MLLT3: variants seen among roughly 807,000 people sequenced by gnomAD.
The protein encoded by MLLT3 is protein AF-9.
MLLT3 carries 4 observed loss-of-function variants against 53.2 expected under a neutral mutation model. That is an observed-to-expected ratio of 0.08 (90% CI 0.04 to 0.17). The LOEUF is 0.17. Among genes scored for constraint, MLLT3 ranks in the 10% least tolerant of loss-of-function variants. The probability of loss-of-function intolerance (pLI) is 1.00; values close to 1 mark genes in which losing one functional copy is unlikely to be tolerated. For synonymous variants in MLLT3, 283 were observed against 230.6 expected, an observed-to-expected ratio of 1.23 and a Z score of -2.06; for missense variants, 569 against 684.0, an observed-to-expected ratio of 0.83 and a Z score of 1.87.
In MLLT3 at chr9:20,387,982, T is replaced by A. The variant is rs892856550; in HGVS notation, c.1126-22238A>T. Among the ~76,000 whole-genome samples, 4 of 152,304 alleles carry A rather than the reference T, an allele frequency of 2.6e-5. No homozygotes were observed. In the South Asian group the frequency reaches 8.3e-4, roughly 32 times the overall value. On this transcript the variant is annotated intron_variant, in intron 5 of 10. Transcript: ENST00000380338. ...CGGAGAGTGGGGGTTAACATCACAA[T>A]TGCCCCCCAAAAATACCTAATCAAA...
At chr9:20,606,741 T>C (rs1241043855) in intron 2 of MLLT3, among the ~76,000 whole-genome samples, 2 of 152,094 alleles carry the variant, frequency 1.3e-5, no homozygotes, top group Non-Finnish European at 2.9e-5. Flanking sequence ...GGCTTTTCTT[T>C]TCTAGGGTAC....
Position 20,474,131 on chromosome 9 carries a change from T to C in MLLT3, c.194-17345A>G, listed in dbSNP as rs1824463674. 2.0e-5 allele frequency among the ~76,000 whole-genome samples: 3 copies of C among 152,242 alleles called. No individual in the cohort carries two copies. The South Asian group carries it at 6.2e-4, about 32-fold the overall frequency. On this transcript the variant is annotated intron_variant, in intron 2 of 10. Coordinates refer to ENST00000380338, the MANE Select transcript of MLLT3 (RefSeq NM_004529.4). The stretch of plus-strand genomic sequence containing the variant: ...TTTTCGGTCTCTTGGCTCCTAAACT[T>C]ATGATTTATCTTTCTGAAGCCCTCG...
chr9:20,389,644 G>A (rs1410042866), intron 5 of MLLT3, among the ~76,000 whole-genome samples: 1 of 152,030 alleles, frequency 6.6e-6, no homozygotes, highest in Admixed American at 6.6e-5. Flanking sequence ...GCCACATGTG[G>A]TGGCATGTAC....
intron 2 of MLLT3, among the ~76,000 whole-genome samples, chr9:20,493,264 T>C (rs1384041473): frequency 1.3e-5 from 2 of 152,016 alleles, no homozygotes; most frequent in Admixed American, 1.3e-4. Context: ...CCAAAAAGCA[T>C]CCTACCTATC....
intron 5 of MLLT3, among the ~76,000 whole-genome samples, chr9:20,408,880 TC>T (rs2118763590): frequency 6.6e-6 from 1 of 152,234 alleles, no homozygotes; most frequent in Admixed American, 6.5e-5. Flanking sequence ...GTTTTTTTTT[TC>T]CTTCTTTCTT....
At chr9:20,439,338 A>G (rs995472687) in intron 4 of MLLT3, among the ~76,000 whole-genome samples, 11 of 152,060 alleles carry the variant, frequency 7.2e-5, no homozygotes, top group African/African-American at 2.7e-4. Flanking sequence ...CTTGGGTGAC[A>G]GAGCAAGACT....
intron 2 of MLLT3, among the ~76,000 whole-genome samples, chr9:20,488,900 G>C (rs2118918371): frequency 6.6e-6 from 1 of 152,288 alleles, no homozygotes; most frequent in East Asian, 1.9e-4. Context: ...TGCCCAGCCA[G>C]CCTCTGTAAT....
intron 7 of MLLT3, among the ~76,000 whole-genome samples, chr9:20,361,564 C>T (rs931415011): frequency 6.6e-5 from 10 of 152,108 alleles, no homozygotes; most frequent in African/African-American, 1.7e-4. Context: ...ATTGGAAATA[C>T]GCTACAACAA....
chr9:20,454,828 T>TA (rs1471334462), intron 3 of MLLT3, among the ~76,000 whole-genome samples: 2 of 151,940 alleles, frequency 1.3e-5, no homozygotes, highest in Non-Finnish European at 2.9e-5. Context: ...CCACTTAAAT[T>TA]AAAAATACAC....
chr9:20,568,537 C>G (rs909918695), intron 2 of MLLT3, among the ~76,000 whole-genome samples: 1 of 152,122 alleles, frequency 6.6e-6, no homozygotes, highest in African/African-American at 2.4e-5. Flanking sequence ...CATTCTAATA[C>G]AAGCAAACCA....
rs10811371 is a variant in MLLT3, at chr9:20,581,842, G to C, written c.193+38812C>G. ...CTCTAAGTGATCAACAACAACAACAGAAATGCATTTAAGGCTCTATATCAC... is the reference window on the plus strand; with the variant it reads ...CTCTAAGTGATCAACAACAACAACACAAATGCATTTAAGGCTCTATATCAC... On this transcript the variant is annotated intron_variant, in intron 2 of 10. Coordinates refer to ENST00000380338, the MANE Select transcript of MLLT3 (RefSeq NM_004529.4). Among the ~76,000 whole-genome samples the C allele has an allele frequency of 5.3e-5, 8 of 151,764 alleles. No individual in the cohort carries two copies. The South Asian group carries it at 6.2e-4, about 12-fold the overall frequency.
At chr9:20,397,455 G>C (rs931786708) in intron 5 of MLLT3, among the ~76,000 whole-genome samples, 1 of 152,084 alleles carries the variant, frequency 6.6e-6, no homozygotes, top group Non-Finnish European at 1.5e-5. Context: ...GGCGATTGGA[G>C]AGAATTGTTA....
intron 2 of MLLT3, chr9:20,502,447 C>T (rs562711405): frequency 3.1e-4 from 47 of 152,486 alleles, no homozygotes; most frequent in African/African-American, 1.1e-3. Context: ...TTGCAGACAA[C>T]GTGATCTTAT....
chr9:20,534,200 T>G (rs1302578750), intron 2 of MLLT3, among the ~76,000 whole-genome samples: 3 of 152,226 alleles, frequency 2.0e-5, no homozygotes, highest in Admixed American at 6.5e-5. Flanking sequence ...TTTCTAAAAA[T>G]TTTGTAAGTC....
chr9:20,346,607 T>A, intron 10 of MLLT3, 33 bp from the exon 11 acceptor site: 1 of 1,602,316 alleles, frequency 6.2e-7, no homozygotes, highest in East Asian at 2.2e-5. Context: ...GTTTGGGCAA[T>A]ACGCAGCAAA....
chr9:20,554,867 A>G (rs893215065), intron 2 of MLLT3, among the ~76,000 whole-genome samples: 7 of 152,232 alleles, frequency 4.6e-5, no homozygotes, highest in African/African-American at 1.7e-4. Flanking sequence ...GTGAAAAATG[A>G]CTACTTTTGA....
At chr9:20,612,328 C>A (rs540500633) in intron 2 of MLLT3, among the ~76,000 whole-genome samples, 3 of 152,112 alleles carry the variant, frequency 2.0e-5, no homozygotes, top group Non-Finnish European at 4.4e-5. Context: ...ACACTGAAGG[C>A]AGGGACCTCC....
chr9:20,548,903 T>TC (rs1295059098), intron 2 of MLLT3, among the ~76,000 whole-genome samples: 9 of 151,486 alleles, frequency 5.9e-5, no homozygotes, highest in Admixed American at 5.9e-4. Context: ...ATCCTCGACC[T>TC]CCCCCGGCTC....
chr9:20,518,545 C>CA (rs1490768408), intron 2 of MLLT3, among the ~76,000 whole-genome samples: 1 of 152,108 alleles, frequency 6.6e-6, no homozygotes, highest in Non-Finnish European at 1.5e-5. Context: ...CACGCAATCT[C>CA]AAAGTATCTC....
Sources: gnomAD v4.1 joint callset for allele counts (sites outside exome capture counted in the v4.1 genomes callset) on GRCh38, gnomAD v4.1.1 for gene constraint, MANE v1.5 for transcripts, NCBI Gene and HGNC (gene_info 2026-07-23, HGNC 2026-07-21) for gene names.